MYO3B: variants seen among roughly 807,000 people sequenced by gnomAD.
MYO3B encodes the protein myosin IIIB.
In MYO3B, 156 loss-of-function variants were observed where a neutral mutation model predicts 174.6. The observed-to-expected ratio is 0.89, with a 90% CI of 0.78 to 1.02. The LOEUF is 1.02. Ranked by LOEUF, MYO3B falls within the 50% of genes least tolerant of loss-of-function variation. MYO3B has a pLI of 0.00. For synonymous variants in MYO3B, 563 were observed against 569.1 expected (o/e 0.99, Z 0.15); for missense variants, 1,632 against 1,639.4 (o/e 1.00, Z 0.08).
chr2:170,505,644 TATCTC>T (rs1687578637), intron 28 of MYO3B, among the ~76,000 whole-genome samples: 1 of 152,218 alleles, frequency 6.6e-6, no homozygotes, highest in Non-Finnish European at 1.5e-5. Context: ...CTACATGTAA[TATCTC>T]ATTCATTAAT....
chr2:170,648,708 A>T (rs1423348835), intron 32 of MYO3B, among the ~76,000 whole-genome samples: 1 of 125,588 alleles, frequency 8.0e-6, no homozygotes, highest in East Asian at 2.1e-4. Flanking sequence ...TATATATTAT[A>T]TTCTATATAA....
At chr2:170,340,265 A>C (rs1403116467) in intron 8 of MYO3B, 2 of 152,164 alleles carry the variant, frequency 1.3e-5, no homozygotes, top group East Asian at 3.9e-4. Flanking sequence ...CCTCATCATC[A>C]GTGGTCCTTG....
intron 32 of MYO3B, among the ~76,000 whole-genome samples, chr2:170,616,059 T>C (rs984915163): frequency 6.6e-6 from 1 of 152,222 alleles, no homozygotes; most frequent in African/African-American, 2.4e-5. Flanking sequence ...ACACAATCTT[T>C]CCATAACCTA....
intron 7 of MYO3B, among the ~76,000 whole-genome samples, chr2:170,274,846 A>G (rs531486751): frequency 6.6e-6 from 1 of 152,204 alleles, no homozygotes; most frequent in Non-Finnish European, 1.5e-5. Flanking sequence ...ACAACACATT[A>G]ATTTCCTAAT....
intron 3 of MYO3B, among the ~76,000 whole-genome samples, chr2:170,203,645 C>T (rs1407978522): frequency 6.6e-6 from 1 of 152,074 alleles, no homozygotes; most frequent in African/African-American, 2.4e-5. Flanking sequence ...ACACATCAAA[C>T]CATTTTGTTG....
chr2:170,599,148 A>T (rs1378964349), intron 32 of MYO3B, among the ~76,000 whole-genome samples: 1 of 152,128 alleles, frequency 6.6e-6, no homozygotes, highest in Non-Finnish European at 1.5e-5. Flanking sequence ...CCTACAAGAC[A>T]TTCTCCCTCA....
At chr2:170,383,040 T>C (rs1317959791) in intron 10 of MYO3B, 33 bp from the exon 11 acceptor site, 12 of 1,336,626 alleles carry the variant, frequency 9.0e-6, no homozygotes, top group Non-Finnish European at 1.3e-5. Context: ...CTGGGAATAA[T>C]ATTTACCTCA....
Position 170,323,222 on chromosome 2 carries a change from T to C in MYO3B, c.750-12163T>C, listed in dbSNP as rs147223378. Reference sequence around the variant, plus strand: ...CATTTGGTTTTACCAGCTGTGACTTTGGAGGGAGCTAAATGACAGAAAACA... The same window carrying C: ...CATTTGGTTTTACCAGCTGTGACTTCGGAGGGAGCTAAATGACAGAAAACA... On this transcript the variant is annotated intron_variant, in intron 7 of 34. Coordinates refer to ENST00000408978, the MANE Select transcript of MYO3B (RefSeq NM_138995.5). Among the ~76,000 whole-genome samples, 180 of 152,346 alleles carry C rather than the reference T, an allele frequency of 1.2e-3. 1 individual carries two copies. The highest frequency in any genetic ancestry group is 4.0e-3 in the African/African-American group (166 of 41,584).
At chr2:170,533,793 T>C (rs1268605765) in intron 30 of MYO3B, among the ~76,000 whole-genome samples, 1 of 152,244 alleles carries the variant, frequency 6.6e-6, no homozygotes, top group East Asian at 1.9e-4. Flanking sequence ...TTTAATTTAA[T>C]TATTTTAAAA....
At chr2:170,553,692 G>A (rs1406620688) in intron 32 of MYO3B, among the ~76,000 whole-genome samples, 1 of 152,176 alleles carries the variant, frequency 6.6e-6, no homozygotes, top group African/African-American at 2.4e-5. Context: ...GTTTTGAAAT[G>A]TGAGAAGGAC....
intron 8 of MYO3B, among the ~76,000 whole-genome samples, chr2:170,353,436 A>T (rs540408058): frequency 6.6e-6 from 1 of 152,210 alleles, no homozygotes; most frequent in Non-Finnish European, 1.5e-5. Flanking sequence ...GGTGGAACCC[A>T]CAGGATTTTT....
At chr2:170,473,765 T>C (rs1240577476) in intron 25 of MYO3B, among the ~76,000 whole-genome samples, 2 of 152,204 alleles carry the variant, frequency 1.3e-5, no homozygotes, top group Admixed American at 6.5e-5. Context: ...TGATTTTTTT[T>C]CGAAATCCAA....
chr2:170,444,077 TG>T, intron 23 of MYO3B, 31 bp downstream of exon 23: 1 of 1,580,730 alleles, frequency 6.3e-7, no homozygotes. Flanking sequence ...AAATATAGTA[TG>T]GACTGGCAGG....
intron 22 of MYO3B, among the ~76,000 whole-genome samples, chr2:170,425,294 T>G (rs1231665501): frequency 1.3e-5 from 2 of 152,210 alleles, no homozygotes; most frequent in Non-Finnish European, 2.9e-5. Flanking sequence ...TAGAAGCATA[T>G]AAAGTTAATC....
chr2:170,200,007 T>C (rs767272448), intron 2 of MYO3B, 143 bp from the exon 3 acceptor site: 64 of 614,076 alleles, frequency 1.0e-4, no homozygotes, highest in Non-Finnish European at 1.5e-4. Flanking sequence ...TGAATGTCCA[T>C]TGTTAGATAT....
intron 28 of MYO3B, among the ~76,000 whole-genome samples, chr2:170,503,798 G>A (rs556918784): frequency 6.6e-6 from 1 of 152,252 alleles, no homozygotes; most frequent in South Asian, 2.1e-4. Flanking sequence ...CACCACCTCT[G>A]CCCTCTTAGA....
Position 170,637,424 on chromosome 2 carries a change from C to T in MYO3B, c.3734-14204C>T, listed in dbSNP as rs192616916. On this transcript the variant is annotated intron_variant, in intron 32 of 34. Coordinates refer to ENST00000408978, the MANE Select transcript of MYO3B (RefSeq NM_138995.5). ...CTGGCCTCAAGTGATCCACCCCCCT[C>T]AGCCTCCCAAAGTGCTGGGATTACA... 5.5e-3 allele frequency among the ~76,000 whole-genome samples: 837 copies of T among 152,220 alleles called. 8 individuals carry two copies. The highest frequency in any genetic ancestry group is 8.4e-3 in the Non-Finnish European group (572 of 67,998).
chr2:170,470,969 A>G (rs943324834), intron 25 of MYO3B, among the ~76,000 whole-genome samples: 4 of 150,220 alleles, frequency 2.7e-5, no homozygotes, highest in African/African-American at 9.8e-5. Context: ...TAATTTGCAA[A>G]TATTTTCTCT....
intron 30 of MYO3B, among the ~76,000 whole-genome samples, chr2:170,528,732 G>C (rs968233498): frequency 1.3e-5 from 2 of 152,204 alleles, no homozygotes; most frequent in Non-Finnish European, 2.9e-5. Flanking sequence ...TGTGCCCAAT[G>C]CATCAGACGA....
Sources: allele counts gnomAD v4.1 joint callset (sites outside exome capture counted in the v4.1 genomes callset), GRCh38; gene constraint gnomAD v4.1.1; transcripts MANE v1.5; gene names NCBI Gene and HGNC (gene_info 2026-07-23, HGNC 2026-07-21).